Variants in PPP2R2A observed in about 807,000 individuals in gnomAD.
PPP2R2A encodes serine/threonine-protein phosphatase 2A 55 kDa regulatory subunit B alpha isoform.
PPP2R2A carries 9 observed loss-of-function variants against 53.2 expected under a neutral mutation model. The observed-to-expected ratio is 0.17, with a 90% confidence interval of 0.10 to 0.30. The LOEUF is 0.30. Ranked by LOEUF, PPP2R2A falls within the 10% of genes least tolerant of loss-of-function variation. PPP2R2A has a pLI of 1.00. For missense variants in PPP2R2A, 235 were observed against 534.6 expected (o/e 0.44, Z 5.53); for synonymous variants, 169 against 174.2 (o/e 0.97, Z 0.23).
intron 2 of PPP2R2A, among the ~76,000 whole-genome samples, chr8:26,334,484 G>A (rs918284333): frequency 2.0e-5 from 3 of 152,078 alleles, no homozygotes; most frequent in African/African-American, 4.8e-5. Flanking sequence ...GGTGGCTCAC[G>A]CCTGAAATTC....
chr8:26,293,585 C>A, intron 1 of PPP2R2A, 81 bp from the exon 2 acceptor site: 2 of 1,367,922 alleles, frequency 1.5e-6, no homozygotes, highest in South Asian at 1.3e-5. Flanking sequence ...AGTATCATGC[C>A]AACCATGGAT....
At position 26,362,277 on chromosome 8, in the gene PPP2R2A, A is replaced by T. The variant is rs1381863353; in HGVS notation, c.638-407A>T. On this transcript the variant is annotated intron_variant, in intron 6 of 9. Transcript: ENST00000380737. This position sits in a 1 kb window ranked among gnomAD's most constrained non-coding sequence, Gnocchi z 4.4. ...GAGGCTGAGGCGAGGCGGATGGATC[A>T]TGAGGTCAGGAGGTCGAGACCAGCC... Among the ~76,000 whole-genome samples the T allele has an allele frequency of 1.3e-5, 2 of 151,408 alleles. No homozygotes were observed. The highest frequency in any genetic ancestry group is 2.4e-5 in the African/African-American group (1 of 41,248).
chr8:26,333,461 T>G, intron 2 of PPP2R2A: 1 of 1,139,850 alleles, frequency 8.8e-7, no homozygotes, highest in East Asian at 5.9e-5. Context: ...ATAACCCTCT[T>G]TGCACTTTGA....
intron 8 of PPP2R2A, 84 bp from the exon 9 acceptor site, chr8:26,366,231 A>G: frequency 9.8e-7 from 1 of 1,018,930 alleles, no homozygotes; most frequent in Non-Finnish European, 1.5e-6. Context: ...GTGTCTGTAT[A>G]TGCCCTTTTT....
intron 3 of PPP2R2A, among the ~76,000 whole-genome samples, chr8:26,343,621 C>T (rs546198177): frequency 4.4e-4 from 67 of 152,228 alleles, no homozygotes; most frequent in African/African-American, 1.5e-3. Flanking sequence ...CCACCCGTCT[C>T]GTGATCCACC....
intron 3 of PPP2R2A, 22 bp downstream of exon 3, chr8:26,339,009 T>A: frequency 6.5e-7 from 1 of 1,542,412 alleles, no homozygotes; most frequent in African/African-American, 1.4e-5. Context: ...AAGTTTATTG[T>A]CTAAATTTCA....
chr8:26,300,496 G>A lies in PPP2R2A; in HGVS notation c.82+6756G>A, dbSNP rs536246743. On this transcript the variant is annotated intron_variant, in intron 2 of 9. Transcript: ENST00000380737. The stretch of plus-strand genomic sequence containing the variant: ...AACTGTAATCTCGTTGCCCTTTAAG[G>A]TGATGATGGAATTTGTAATTAAGTA... Among the ~76,000 whole-genome samples the A allele has an allele frequency of 7.9e-5, 12 of 152,230 alleles. No individual in the cohort carries two copies. In the East Asian group the frequency reaches 2.3e-3, roughly 29 times the overall value.
chr8:26,300,497 T>C (rs1024637585), intron 2 of PPP2R2A, among the ~76,000 whole-genome samples: 1 of 152,006 alleles, frequency 6.6e-6, no homozygotes, highest in Non-Finnish European at 1.5e-5. Context: ...CCCTTTAAGG[T>C]GATGATGGAA....
chr8:26,372,456 C>T lies in PPP2R2A; in HGVS notation c.*2043C>T, dbSNP rs1805697283. 1 of 152,086 alleles carries T rather than the reference C, an allele frequency of 6.6e-6. No homozygotes were observed. Among genetic ancestry groups the T allele is most frequent in the Non-Finnish European group, 1.5e-5 (1 of 68,028 alleles). The allele number at this position is 152,086 out of a possible 1,614,324, so 9.4% of individuals were successfully genotyped here. On this transcript the variant is annotated 3_prime_UTR_variant, in exon 10 of 10. Transcript: ENST00000380737. ...AAATTCTTTTTTGATTGATCAGTAG[C>T]TATGATGATTCTCCTCCATGACACT...
chr8:26,297,470 G>A (rs1395516220), intron 2 of PPP2R2A, among the ~76,000 whole-genome samples: 1 of 152,102 alleles, frequency 6.6e-6, no homozygotes, highest in African/African-American at 2.4e-5. Flanking sequence ...GTACTCTCTA[G>A]AGGCCTTAAA....
At chr8:26,359,815 A>T (rs1804986805) in intron 4 of PPP2R2A, among the ~76,000 whole-genome samples, 1 of 152,202 alleles carries the variant, frequency 6.6e-6, no homozygotes, top group Non-Finnish European at 1.5e-5. Flanking sequence ...TTCAGTACTG[A>T]ACATGTATAT....
chr8:26,338,865 T>C lies in PPP2R2A; in HGVS notation c.83-25T>C. 4 of 1,488,608 alleles carry C rather than the reference T, an allele frequency of 2.7e-6. No individual in the cohort carries two copies. Among genetic ancestry groups the C allele is most frequent in the Non-Finnish European group, 3.7e-6 (4 of 1,078,494 alleles). 92.2% of individuals were successfully genotyped at this position (1,488,608 alleles called of 1,614,324 possible). The stretch of plus-strand genomic sequence containing the variant: ...GTCGGGAAAGAAAAACTAATATCTT[T>C]TTTTGTTTTGTCTCAATTATACAGC... On this transcript the variant is annotated intron_variant, in intron 2 of 9. Coordinates refer to ENST00000380737, the MANE Select transcript of PPP2R2A (RefSeq NM_002717.4). This position sits in a 1 kb window ranked among gnomAD's most constrained non-coding sequence, Gnocchi z 4.5.
At chr8:26,322,573 T>C (rs1802893525) in intron 2 of PPP2R2A, among the ~76,000 whole-genome samples, 1 of 151,858 alleles carries the variant, frequency 6.6e-6, no homozygotes, top group African/African-American at 2.4e-5. Context: ...ACTCAAAGTA[T>C]ATCACTCGAC....
chr8:26,293,328 A>T, intron 1 of PPP2R2A: 3 of 1,449,522 alleles, frequency 2.1e-6, no homozygotes, highest in Non-Finnish European at 1.9e-6. Flanking sequence ...TTGTACACTT[A>T]AGAAAACTCT....
chr8:26,298,460 C>T (rs1474360830), intron 2 of PPP2R2A: 1 of 152,216 alleles, frequency 6.6e-6, no homozygotes, highest in Admixed American at 6.5e-5. Flanking sequence ...AAGCTATTCA[C>T]ATTATCACCC....
At position 26,338,855 on chromosome 8, in the gene PPP2R2A, C is replaced by T; in HGVS notation, c.83-35C>T. The stretch of plus-strand genomic sequence containing the variant: ...AAACTAGTGAGTCGGGAAAGAAAAA[C>T]TAATATCTTTTTTTGTTTTGTCTCA... On this transcript the variant is annotated intron_variant, in intron 2 of 9. Transcript: ENST00000380737. This position sits in a 1 kb window ranked among gnomAD's most constrained non-coding sequence, Gnocchi z 4.5. 6.9e-7 allele frequency: 1 copy of T among 1,443,956 alleles called. No individual in the cohort carries two copies. Among genetic ancestry groups the T allele is most frequent in the African/African-American group, 1.4e-5 (1 of 70,472 alleles). 89.4% of individuals were successfully genotyped at this position (1,443,956 alleles called of 1,614,324 possible).
In PPP2R2A at chr8:26,321,265, C is replaced by G. The variant is rs1284654265; in HGVS notation, c.83-17625C>G. Among the ~76,000 whole-genome samples, 1 of 152,122 alleles carries G rather than the reference C, an allele frequency of 6.6e-6. No homozygotes were observed. The highest frequency in any genetic ancestry group is 2.4e-5 in the African/African-American group (1 of 41,418). On this transcript the variant is annotated intron_variant, in intron 2 of 9. Transcript: ENST00000380737. The surrounding 1 kb of genome is among the most constrained non-coding windows in gnomAD (Gnocchi z 4.1). Reference sequence around the variant, plus strand: ...GGTTCATGTATTCTGTACTTTGAAACTGGGATTGAAAACTAAATGGCTCTT... The same window carrying G: ...GGTTCATGTATTCTGTACTTTGAAAGTGGGATTGAAAACTAAATGGCTCTT...
At chr8:26,312,739 G>T (rs971085296) in intron 2 of PPP2R2A, among the ~76,000 whole-genome samples, 1 of 152,044 alleles carries the variant, frequency 6.6e-6, no homozygotes, top group Non-Finnish European at 1.5e-5. Flanking sequence ...GTTTTTTGCT[G>T]GTAATTTGCC....
In PPP2R2A at chr8:26,321,544, T is replaced by C. The variant is rs534923020; in HGVS notation, c.83-17346T>C. Among the ~76,000 whole-genome samples, 10 of 152,218 alleles carry C rather than the reference T, an allele frequency of 6.6e-5. No homozygotes were observed. Among genetic ancestry groups the C allele is most frequent in the Admixed American group, 1.3e-4 (2 of 15,284 alleles). Reference sequence around the variant, plus strand: ...GGTTACAGAAAGGTTTTGGCATCCATGTTGGGCTGCCCTATTTCACTTGCT... The same window carrying C: ...GGTTACAGAAAGGTTTTGGCATCCACGTTGGGCTGCCCTATTTCACTTGCT... On this transcript the variant is annotated intron_variant, in intron 2 of 9. Coordinates refer to ENST00000380737, the MANE Select transcript of PPP2R2A (RefSeq NM_002717.4). The surrounding 1 kb of genome is among the most constrained non-coding windows in gnomAD (Gnocchi z 4.1).
Sources: allele counts gnomAD v4.1 joint callset (sites outside exome capture counted in the v4.1 genomes callset), GRCh38; gene constraint gnomAD v4.1.1; non-coding constraint Gnocchi (gnomAD v3.1); transcripts MANE v1.5; gene names NCBI Gene and HGNC (gene_info 2026-07-23, HGNC 2026-07-21).